The following AR variants were observed in gnomAD, a reference collection of about 807,000 sequenced individuals.
The protein encoded by AR is androgen receptor.
Under a neutral mutation model 53.9 loss-of-function variants are expected in AR, and 8 were observed. The ratio of observed to expected loss-of-function variants is 0.15; its 90% CI spans 0.09 to 0.27. AR has a LOEUF of 0.27. Ranked by LOEUF, AR falls within the 10% of genes least tolerant of loss-of-function variation. AR has a pLI of 1.00. For missense variants in AR, 639 were observed against 742.5 expected (o/e 0.86, Z 1.62); for synonymous variants, 359 against 316.4 (o/e 1.13, Z -1.43).
intron 3 of AR, among the ~76,000 whole-genome samples, chrX:67,704,433 A>C (rs558423709): frequency 8.9e-6 from 1 of 112,377 alleles, no homozygotes; most frequent in South Asian, 3.7e-4. Flanking sequence ...TGTTGGCTGC[A>C]TAAATGTCTT....
intron 1 of AR, among the ~76,000 whole-genome samples, chrX:67,628,638 T>G (rs1602204945): frequency 9.1e-6 from 1 of 110,004 alleles, no homozygotes; most frequent in African/African-American, 3.3e-5. Context: ...TTCCTTCTTC[T>G]GCCTAATTGC....
At position 67,546,063 on chromosome X, in the gene AR, C is replaced by G. The variant is rs2147319119; in HGVS notation, c.917C>G (p.Thr306Ser). 1 of 1,212,396 alleles carries G rather than the reference C, an allele frequency of 8.2e-7. No individual in the cohort carries two copies. Among genetic ancestry groups the G allele is most frequent in the Non-Finnish European group, 1.1e-6 (1 of 895,648 alleles). The change falls in exon 1 of 8, where the codon ACT becomes AGT. Residue 306 changes from threonine (T) to serine (S), a missense_variant. By Grantham distance (58) the Thr-to-Ser change is moderately conservative (BLOSUM62 1). Around this residue, in one of 5 missense-constraint regions of AR, gnomAD observed 423 missense variants for 377.0 expected, o/e 1.12. Coordinates refer to ENST00000374690, the MANE Select transcript of AR (RefSeq NM_000044.6). ...AGCGCAGGCAAGAGCACTGAAGATA[C>G]TGCTGAGTATTCCCCTTTCAAGGGA... is the stretch of plus-strand genomic sequence containing the variant. ...DDSAGKSTED[T>S]AEYSPFKGGY...
chrX:67,651,470 T>G (rs1926341493), intron 2 of AR, among the ~76,000 whole-genome samples: 1 of 111,240 alleles, frequency 9.0e-6, no homozygotes, highest in African/African-American at 3.3e-5. Flanking sequence ...GCTTTGCCAG[T>G]TCATCAACAG....
chrX:67,642,150 T>G (rs1224781945), intron 1 of AR, among the ~76,000 whole-genome samples: 1 of 111,815 alleles, frequency 8.9e-6, no homozygotes, highest in Non-Finnish European at 1.9e-5. Context: ...AAGGAAGAAG[T>G]GCTTATAAAA....
At chrX:67,709,079 C>CG (rs1050216382) in intron 3 of AR, among the ~76,000 whole-genome samples, 2 of 112,117 alleles carry the variant, frequency 1.8e-5, no homozygotes, top group Non-Finnish European at 3.8e-5. Context: ...TTAGGCTACT[C>CG]GGGGGTCAGG....
intron 1 of AR, among the ~76,000 whole-genome samples, chrX:67,629,892 T>C (rs1234063324): frequency 1.8e-5 from 2 of 111,494 alleles, no homozygotes; most frequent in Admixed American, 1.9e-4. Context: ...CATTTCGTTA[T>C]GTACCCAGTA....
At chrX:67,654,288 C>A (rs1378501724) in intron 2 of AR, among the ~76,000 whole-genome samples, 2 of 111,287 alleles carry the variant, frequency 1.8e-5, no homozygotes, top group African/African-American at 6.5e-5. Flanking sequence ...CTTGCAGCGT[C>A]CCTGGGTAGG....
At chrX:67,647,068 C>T (rs1007148602) in intron 2 of AR, among the ~76,000 whole-genome samples, 4 of 111,462 alleles carry the variant, frequency 3.6e-5, no homozygotes, top group African/African-American at 6.5e-5. Context: ...CCCATCTCTA[C>T]CTCATTATGT....
chrX:67,547,375 C>G (rs914977380), intron 1 of AR, among the ~76,000 whole-genome samples: 1 of 111,569 alleles, frequency 9.0e-6, no homozygotes, highest in Non-Finnish European at 1.9e-5. Flanking sequence ...GGCTGGAGGT[C>G]AGTAGAGATA....
chrX:67,645,209 G>C (rs1925996263), intron 2 of AR, among the ~76,000 whole-genome samples: 1 of 112,119 alleles, frequency 8.9e-6, no homozygotes, highest in East Asian at 2.8e-4. Context: ...GATTATACTT[G>C]ATGCTTCCTC....
chrX:67,678,978 A>G (rs2075916818), intron 2 of AR, among the ~76,000 whole-genome samples: 1 of 111,693 alleles, frequency 9.0e-6, no homozygotes, highest in Middle Eastern at 4.6e-3. Flanking sequence ...CATGGTGACC[A>G]TAGTTAATAA....
Position 67,711,476 on chromosome X carries a change from G to A in AR, c.1960G>A (p.Glu654Lys), listed in dbSNP as rs200737258. ...GEASSTTSPT[E>K]ETTQKLTVSH... is the part of the protein sequence containing the mutation. Reference sequence around the variant, plus strand: ...GGCTTCCAGCACCACCAGCCCCACTGAGGAGACAACCCAGAAGCTGACAGT... The same window carrying A: ...GGCTTCCAGCACCACCAGCCCCACTAAGGAGACAACCCAGAAGCTGACAGT... Residue 654 changes from glutamate (E) to lysine (K), a missense_variant, in exon 4 of 8, where the codon GAG (glutamate) becomes AAG (lysine). Transcript: ENST00000374690. 9.3e-4 allele frequency: 1,119 copies of A among 1,207,728 alleles called. 9 individuals are homozygous for A. The highest frequency in any genetic ancestry group is 1.8e-4 in the Non-Finnish European group (162 of 894,046).
chrX:67,610,129 C>A lies in AR; in HGVS notation c.1617-33127C>A, dbSNP rs919131451. ...ATCCTGAGGCAACCACTCAAGAGAACATGCTTTTGTTAATTCAAAGGGAGC... is the reference window on the plus strand; with the variant it reads ...ATCCTGAGGCAACCACTCAAGAGAAAATGCTTTTGTTAATTCAAAGGGAGC... On this transcript the variant is annotated intron_variant, in intron 1 of 7. Transcript: ENST00000374690. 4.5e-5 allele frequency among the ~76,000 whole-genome samples: 5 copies of A among 111,397 alleles called. No homozygotes were observed. The Admixed American group carries it at 4.8e-4, about 11-fold the overall frequency.
intron 1 of AR, among the ~76,000 whole-genome samples, chrX:67,630,456 G>T (rs1326103112): frequency 2.7e-5 from 3 of 110,805 alleles, no homozygotes; most frequent in Non-Finnish European, 5.7e-5. Context: ...GACTAGAATT[G>T]TAACCCCTGC....
chrX:67,686,355 C>A (rs988440510), intron 3 of AR, among the ~76,000 whole-genome samples: 1 of 111,237 alleles, frequency 9.0e-6, no homozygotes, highest in African/African-American at 3.3e-5. Context: ...TTAGAGCAGG[C>A]GGTGTGAAGC....
intron 3 of AR, among the ~76,000 whole-genome samples, chrX:67,709,515 C>T (rs2076084567): frequency 8.9e-6 from 1 of 111,941 alleles, no homozygotes; most frequent in South Asian, 3.7e-4. Context: ...TGGGAGTGAC[C>T]CAATTTTCCA....
intron 3 of AR, among the ~76,000 whole-genome samples, chrX:67,687,653 C>A (rs2075974200): frequency 8.9e-6 from 1 of 111,853 alleles, no homozygotes; most frequent in South Asian, 3.8e-4. Flanking sequence ...AAATGTTCTC[C>A]ATATGAATGT....
intron 2 of AR, among the ~76,000 whole-genome samples, chrX:67,685,365 C>A (rs2147496345): frequency 9.0e-6 from 1 of 111,424 alleles, no homozygotes; most frequent in African/African-American, 3.3e-5. Flanking sequence ...GTGTTCATGA[C>A]AGTGATCTTT....
At chrX:67,713,617 G>A (rs1026567645) in intron 4 of AR, among the ~76,000 whole-genome samples, 3 of 111,954 alleles carry the variant, frequency 2.7e-5, no homozygotes, top group African/African-American at 9.7e-5. Flanking sequence ...GCTCAAAGAG[G>A]TTAACTAACT....
Sources: gnomAD v4.1 joint callset for allele counts (sites outside exome capture counted in the v4.1 genomes callset) on GRCh38, gnomAD v4.1.1 for gene constraint, gnomAD v4.1.1 regional missense constraint, MANE v1.5 for transcripts, NCBI Gene and HGNC (gene_info 2026-07-23, HGNC 2026-07-21) for gene names.